Variants in SYNPO2 observed in about 807,000 individuals in gnomAD.
SYNPO2 encodes synaptopodin-2.
In SYNPO2, 56 loss-of-function variants were observed where a neutral mutation model predicts 85.0. The ratio of observed to expected loss-of-function variants is 0.66; its 90% CI spans 0.53 to 0.82. SYNPO2 has a LOEUF of 0.82. Ranked by LOEUF, SYNPO2 falls within the 40% of genes least tolerant of loss-of-function variation. The probability of loss-of-function intolerance (pLI) is 0.00; values close to 1 mark genes in which losing one functional copy is unlikely to be tolerated. For synonymous variants in SYNPO2, 602 were observed against 591.1 expected (o/e 1.02, Z -0.27); for missense variants, 1,575 against 1,534.2 (o/e 1.03, Z -0.44).
At position 119,031,803 on chromosome 4, in the gene SYNPO2, C is replaced by T. The variant is rs918346408; in HGVS notation, c.3028C>T (p.Pro1010Ser). ...CATGAAGCAAGCTCTTCCTCCCCGG[C>T]CAGTGAATGCTGCCTCACCTACGAA... is the stretch of plus-strand genomic sequence containing the variant. ...LAMKQALPPR[P>S]VNAASPTNVQ... The change falls in exon 4 of 5, where the codon CCA becomes TCA. Residue 1010 changes from proline to serine, a missense_variant. Transcript: ENST00000307142. The T allele has an allele frequency of 6.2e-6, 10 of 1,614,112 alleles. No homozygotes were observed. The Admixed American group carries it at 1.5e-4, about 24-fold the overall frequency.
chr4:119,024,074 T>C (rs1737840927), intron 2 of SYNPO2, among the ~76,000 whole-genome samples: 2 of 152,158 alleles, frequency 1.3e-5, no homozygotes, highest in Non-Finnish European at 2.9e-5. Context: ...AAAACCAATA[T>C]TTGAGGATGG....
chr4:118,894,311 C>G (rs545062340), intron 1 of SYNPO2, among the ~76,000 whole-genome samples: 1 of 152,160 alleles, frequency 6.6e-6, no homozygotes, highest in East Asian at 1.9e-4. Context: ...GTGAGCAGGT[C>G]ATAATAGTGG....
At chr4:119,040,090 T>G (rs1236246027) in intron 4 of SYNPO2, among the ~76,000 whole-genome samples, 1 of 152,228 alleles carries the variant, frequency 6.6e-6, no homozygotes, top group Non-Finnish European at 1.5e-5. Flanking sequence ...TTATGAAGAT[T>G]AAATGAAACA....
chr4:118,952,341 T>A (rs1014562205), intron 1 of SYNPO2, among the ~76,000 whole-genome samples: 2 of 152,200 alleles, frequency 1.3e-5, no homozygotes, highest in Non-Finnish European at 1.5e-5. Context: ...ACTTCTTTTT[T>A]ATTTTTTTCC....
chr4:118,878,498 G>A (rs1731968732), intron 1 of SYNPO2, among the ~76,000 whole-genome samples: 1 of 152,182 alleles, frequency 6.6e-6, no homozygotes. Context: ...GGGTCAGATG[G>A]GGACTTGGAG....
intron 1 of SYNPO2, among the ~76,000 whole-genome samples, chr4:118,860,183 C>T (rs10857061): frequency 0.81 from 123,997 of 152,192 alleles, 50,647 homozygotes; most frequent in Middle Eastern, 0.92. Flanking sequence ...CACCTTTTCA[C>T]GCCATTTGTA....
Position 118,888,869 on chromosome 4 carries a change from AGGCGGCTGGGGC to A in SYNPO2, c.-155_-144del, listed in dbSNP as rs1033431719. 54 of 669,426 alleles carry A rather than the reference AGGCGGCTGGGGC, an allele frequency of 8.1e-5. No individual in the cohort carries two copies. Among genetic ancestry groups the A allele is most frequent in the Non-Finnish European group, 1.2e-4 (46 of 386,622 alleles). The allele number at this position is 669,426 out of a possible 1,614,324, so 41.5% of individuals were successfully genotyped here. On this transcript the variant is annotated 5_prime_UTR_variant, in exon 1 of 5. Transcript: ENST00000307142. ...CCCATTAGCCGCACAAATTCGCAGC[AGGCGGCTGGGGC>A]GGCGGCTGGGGCAGCGGCTGCAGCA...
At chr4:119,007,401 C>CA (rs1737122940) in intron 1 of SYNPO2, among the ~76,000 whole-genome samples, 1 of 144,672 alleles carries the variant, frequency 6.9e-6, no homozygotes, top group Admixed American at 6.9e-5. Context: ...AAAACAAAAA[C>CA]AAAAAACAAA....
intron 1 of SYNPO2, among the ~76,000 whole-genome samples, chr4:118,937,948 A>G (rs537817265): frequency 3.0e-4 from 46 of 152,298 alleles, no homozygotes; most frequent in Non-Finnish European, 4.6e-4. Context: ...CTAGTTACTT[A>G]TATTACCCAA....
intron 1 of SYNPO2, among the ~76,000 whole-genome samples, chr4:118,989,810 C>T (rs765350575): frequency 4.6e-5 from 7 of 152,132 alleles, no homozygotes; most frequent in Non-Finnish European, 7.4e-5. Context: ...CTTGTGTTCA[C>T]GCAGGGACAC....
chr4:118,981,444 A>G (rs1182426151), intron 1 of SYNPO2, among the ~76,000 whole-genome samples: 1 of 152,190 alleles, frequency 6.6e-6, no homozygotes, highest in Admixed American at 6.5e-5. Flanking sequence ...GTCAATGTCA[A>G]TACCCTCCTC....
At chr4:118,878,065 A>G (rs1428458535) in intron 1 of SYNPO2, among the ~76,000 whole-genome samples, 1 of 152,244 alleles carries the variant, frequency 6.6e-6, no homozygotes, top group African/African-American at 2.4e-5. Context: ...AGCAACATGG[A>G]TGGAGTTGGA....
At chr4:119,009,453 A>G (rs1235980660) in intron 1 of SYNPO2, among the ~76,000 whole-genome samples, 1 of 152,202 alleles carries the variant, frequency 6.6e-6, no homozygotes, top group African/African-American at 2.4e-5. Context: ...TTGAAGCTCA[A>G]TAGAGTTAAT....
rs548315000 is a variant in SYNPO2, at chr4:118,868,047, T to TAAA, written c.12+17107_12+17108insAAA. ...TAATCTACTCCTCCCCTCCTTTCAT[T>TAAA]TAAAAAAAAAAAAAAAACTACGTAT... On this transcript the variant is annotated intron_variant, in intron 1 of 4. Coordinates refer to the SYNPO2 transcript ENST00000610556. Among the ~76,000 whole-genome samples, 4 of 126,956 alleles carry TAAA rather than the reference T, an allele frequency of 3.2e-5. 1 individual carries two copies. Among genetic ancestry groups the TAAA allele is most frequent in the Non-Finnish European group, 5.0e-5 (3 of 59,840 alleles). The allele number at this position is 126,956 out of a possible 152,430, so 83.3% of individuals were successfully genotyped here.
chr4:118,926,886 C>G (rs1470026740), intron 1 of SYNPO2, among the ~76,000 whole-genome samples: 1 of 152,172 alleles, frequency 6.6e-6, no homozygotes, highest in African/African-American at 2.4e-5. Flanking sequence ...TTCTTCCAGA[C>G]CTTTCATCCA....
At chr4:119,009,139 A>C (rs1012123110) in intron 1 of SYNPO2, among the ~76,000 whole-genome samples, 5 of 152,214 alleles carry the variant, frequency 3.3e-5, no homozygotes, top group African/African-American at 1.2e-4. Flanking sequence ...ATATTATCAA[A>C]TGCTTCGTAA....
At chr4:119,052,764 A>T (rs1739093868) in intron 4 of SYNPO2, among the ~76,000 whole-genome samples, 1 of 152,244 alleles carries the variant, frequency 6.6e-6, no homozygotes, top group Non-Finnish European at 1.5e-5. Flanking sequence ...CTATTTCAAA[A>T]TAAAACTGGT....
At chr4:118,938,092 C>T (rs1402751047) in intron 1 of SYNPO2, among the ~76,000 whole-genome samples, 4 of 152,140 alleles carry the variant, frequency 2.6e-5, no homozygotes, top group African/African-American at 9.7e-5. Flanking sequence ...CACCTGAGGT[C>T]AGGAGTTCAA....
At chr4:119,055,340 A>G (rs563462721) in intron 4 of SYNPO2, among the ~76,000 whole-genome samples, 63 of 152,190 alleles carry the variant, frequency 4.1e-4, no homozygotes, top group African/African-American at 1.4e-3. Flanking sequence ...TTTTTAGTAG[A>G]GATGGGGTTT....
Sources: gnomAD v4.1 joint callset for allele counts (sites outside exome capture counted in the v4.1 genomes callset) on GRCh38, gnomAD v4.1.1 for gene constraint, MANE v1.5 for transcripts, NCBI Gene and HGNC (gene_info 2026-07-23, HGNC 2026-07-21) for gene names.